PRLR: variants seen among roughly 807,000 people sequenced by gnomAD.
PRLR encodes the protein prolactin receptor.
A neutral mutation model predicts 40.2 loss-of-function variants in PRLR; 13 were observed. The observed-to-expected ratio is 0.32, with a 90% CI of 0.21 to 0.51. The LOEUF (loss-of-function observed/expected upper bound fraction) is 0.51, where lower values mean the gene tolerates loss of function less well. Ranked by LOEUF, PRLR falls within the 20% of genes least tolerant of loss-of-function variation. PRLR has a pLI of 0.97. For synonymous variants in PRLR, 269 were observed against 278.7 expected (o/e 0.97, Z 0.35); for missense variants, 656 against 747.3 (o/e 0.88, Z 1.42).
At chr5:35,077,115 T>G (rs1195269215) in intron 5 of PRLR, among the ~76,000 whole-genome samples, 4 of 152,164 alleles carry the variant, frequency 2.6e-5, no homozygotes, top group South Asian at 4.1e-4. Flanking sequence ...AGACCATCAA[T>G]GCTAGGAAGA....
intron 1 of PRLR, among the ~76,000 whole-genome samples, chr5:35,168,950 A>G (rs190474138): frequency 2.9e-4 from 44 of 152,282 alleles, no homozygotes; most frequent in Middle Eastern, 6.8e-3. Flanking sequence ...TGGATCCCAC[A>G]CCTCAAACCT....
chr5:35,122,706 A>G (rs1166026115), intron 1 of PRLR, among the ~76,000 whole-genome samples: 1 of 152,246 alleles, frequency 6.6e-6, no homozygotes, highest in East Asian at 1.9e-4. Context: ...ATTTATAGAC[A>G]TGCATGTGGA....
chr5:35,125,708 T>C (rs1054210111), intron 1 of PRLR, among the ~76,000 whole-genome samples: 3 of 152,210 alleles, frequency 2.0e-5, no homozygotes, highest in African/African-American at 7.2e-5. Context: ...ATTGAGAACA[T>C]CTAAAAGTAT....
chr5:35,076,183 C>G (rs761857154), intron 5 of PRLR, among the ~76,000 whole-genome samples: 1 of 152,162 alleles, frequency 6.6e-6, no homozygotes, highest in African/African-American at 2.4e-5. Context: ...CAAAGCTGGA[C>G]GGAGAATGAC....
In PRLR at chr5:35,056,429, C is replaced by T. The variant is rs1281978135; in HGVS notation, c.*8660G>A. 1.3e-5 allele frequency: 2 copies of T among 152,072 alleles called. No homozygotes were observed. The highest frequency in any genetic ancestry group is 2.4e-5 in the African/African-American group (1 of 41,394). 9.4% of individuals were successfully genotyped at this position (152,072 alleles called of 1,614,324 possible). A position where few individuals can be genotyped will look rare whatever the true frequency, so the allele number is the denominator to read the frequency against. On this transcript the variant is annotated 3_prime_UTR_variant, in exon 10 of 10. Coordinates refer to ENST00000618457, the MANE Select transcript of PRLR (RefSeq NM_000949.7). ...TATTTCTTATCCTTCTCCCTAGTCC[C>T]CCCACTGCTCCCTTACCCCAAGATT... is the stretch of plus-strand genomic sequence containing the variant.
At chr5:35,054,178 G>A (rs1050298710), downstream of PRLR, among the ~76,000 whole-genome samples, 4 of 152,302 alleles carry the variant, frequency 2.6e-5, no homozygotes, top group East Asian at 1.9e-4. Context: ...TAAAGATGAC[G>A]AGAAATGGAA....
At chr5:35,072,502 C>T (rs1272124869) in intron 6 of PRLR, 73 bp downstream of exon 6, 3 of 1,488,182 alleles carry the variant, frequency 2.0e-6, no homozygotes, top group Non-Finnish European at 2.7e-6. Context: ...GGAGGAATGA[C>T]CTGTTTTCAG....
intron 7 of PRLR, 28 bp from the exon 8 acceptor site, chr5:35,068,906 G>A: frequency 6.6e-7 from 1 of 1,514,346 alleles, no homozygotes; most frequent in Non-Finnish European, 9.2e-7. Flanking sequence ...AGAAAGCTTT[G>A]ATCACGTACA....
intron 1 of PRLR, among the ~76,000 whole-genome samples, chr5:35,177,415 A>G (rs982293033): frequency 2.6e-5 from 4 of 152,076 alleles, no homozygotes; most frequent in Non-Finnish European, 5.9e-5. Flanking sequence ...TCAATTTTAA[A>G]ACATTTTTTT....
intron 1 of PRLR, among the ~76,000 whole-genome samples, chr5:35,186,611 T>A (rs1339981554): frequency 6.6e-6 from 1 of 152,110 alleles, no homozygotes; most frequent in Non-Finnish European, 1.5e-5. Flanking sequence ...TGTGTTCTGG[T>A]GCACCTGGCC....
At chr5:35,147,765 G>C (rs1213354824) in intron 1 of PRLR, among the ~76,000 whole-genome samples, 1 of 152,108 alleles carries the variant, frequency 6.6e-6, no homozygotes, top group Non-Finnish European at 1.5e-5. Flanking sequence ...ATATATTCTA[G>C]TGCTCAAGAA....
chr5:35,167,738 G>A (rs948545541), intron 1 of PRLR, among the ~76,000 whole-genome samples: 2 of 152,062 alleles, frequency 1.3e-5, no homozygotes, highest in Non-Finnish European at 2.9e-5. Context: ...TGTAATGAGT[G>A]AAAGATGGAT....
intron 2 of PRLR, among the ~76,000 whole-genome samples, chr5:35,103,136 G>T (rs1772004141): frequency 6.6e-6 from 1 of 152,170 alleles, no homozygotes; most frequent in South Asian, 2.1e-4. Flanking sequence ...TATTTACCTT[G>T]CTTCCTGGAT....
At chr5:35,147,738 G>C (rs1451312377) in intron 1 of PRLR, among the ~76,000 whole-genome samples, 1 of 152,066 alleles carries the variant, frequency 6.6e-6, no homozygotes. Flanking sequence ...GAAAGGCCTT[G>C]GTTTATACAT....
intron 1 of PRLR, among the ~76,000 whole-genome samples, chr5:35,150,953 TAA>T (rs1463482387): frequency 2.0e-5 from 3 of 152,192 alleles, no homozygotes; most frequent in Non-Finnish European, 4.4e-5. Flanking sequence ...AGTAGGCATA[TAA>T]AACATCTTTG....
intron 1 of PRLR, among the ~76,000 whole-genome samples, chr5:35,188,591 G>A (rs980458694): frequency 1.3e-5 from 2 of 152,152 alleles, no homozygotes; most frequent in Non-Finnish European, 2.9e-5. Context: ...CTTGGAGAAC[G>A]GGAAAGAAAA....
In PRLR at chr5:35,065,536, G is replaced by A. The variant is rs1480691649; in HGVS notation, c.1422C>T (p.Thr474=). Residue 474 remains threonine (T), a synonymous_variant, in exon 10 of 10, where the codon ACC becomes ACT. Transcript: ENST00000618457. The part of the protein sequence containing the change: ...TIKSREEGKA[T]QQREVESFHS... ...GGAAGCTTTCTACCTCCCTCTGCTG[G>A]GTTGCCTTTCCCTCTTCTCTAGACT... The A allele has an allele frequency of 1.2e-6, 2 of 1,614,050 alleles. No individual in the cohort carries two copies.
chr5:35,098,582 G>A (rs1771675143), intron 2 of PRLR, among the ~76,000 whole-genome samples: 4 of 152,170 alleles, frequency 2.6e-5, no homozygotes, highest in South Asian at 2.1e-4. Flanking sequence ...TATTATATAC[G>A]TGTGTGAATG....
chr5:35,215,015 C>T (rs1378667607), intron 1 of PRLR, among the ~76,000 whole-genome samples: 2 of 152,116 alleles, frequency 1.3e-5, no homozygotes, highest in African/African-American at 2.4e-5. Flanking sequence ...CCTTAACCCC[C>T]TACCTATTCC....
Sources: allele counts gnomAD v4.1 joint callset (sites outside exome capture counted in the v4.1 genomes callset), GRCh38; gene constraint gnomAD v4.1.1; transcripts MANE v1.5; gene names NCBI Gene and HGNC (gene_info 2026-07-23, HGNC 2026-07-21).